The following MAPK6 variants were observed in gnomAD, a reference collection of about 807,000 sequenced individuals.
MAPK6 encodes ERK-3.
MAPK6 carries 19 observed loss-of-function variants against 59.3 expected under a neutral mutation model. The observed-to-expected ratio is 0.32, with a 90% CI of 0.22 to 0.47. The LOEUF is 0.47. Ranked by LOEUF, MAPK6 falls within the 20% of genes least tolerant of loss-of-function variation. The pLI, the probability that MAPK6 is intolerant of heterozygous loss-of-function variation, is 1.00. For missense variants in MAPK6, 724 were observed against 847.9 expected (o/e 0.85, Z 1.81); for synonymous variants, 316 against 290.3 (o/e 1.09, Z -0.90).
At chr15:52,031,993 C>A (rs567469382) in intron 1 of MAPK6, among the ~76,000 whole-genome samples, 4 of 151,734 alleles carry the variant, frequency 2.6e-5, no homozygotes, top group Admixed American at 1.3e-4. Context: ...CCCTGCCTCC[C>A]GGGTTCATGC....
intron 3 of MAPK6, among the ~76,000 whole-genome samples, chr15:52,013,008 AAAAAAAAAAAAAATATATATATATAT>A (rs1342271784): frequency 1.3e-3 from 28 of 21,240 alleles, no homozygotes; most frequent in African/African-American, 3.3e-3. Context: ...AAAAAAAAAA[AAAAAAAAAAAAAATATATATATATAT>A]ATATATATAT....
intron 2 of MAPK6, among the ~76,000 whole-genome samples, chr15:51,992,906 C>T (rs925284342): frequency 2.6e-5 from 4 of 152,058 alleles, no homozygotes; most frequent in South Asian, 2.1e-4. Flanking sequence ...GGAACCTCCA[C>T]GTGTTCACTT....
At chr15:52,001,295 T>C (rs2057241225) in intron 2 of MAPK6, among the ~76,000 whole-genome samples, 1 of 152,140 alleles carries the variant, frequency 6.6e-6, no homozygotes, top group South Asian at 2.1e-4. Flanking sequence ...AAAAAGTTTC[T>C]GTTCTTTATA....
chr15:52,017,306 G>A (rs2030299731), upstream of MAPK6: 1 of 152,196 alleles, frequency 6.6e-6, no homozygotes, highest in Non-Finnish European at 1.5e-5. Flanking sequence ...CAATGGTTTG[G>A]GGGCAGGGGG....
intron 2 of MAPK6, among the ~76,000 whole-genome samples, chr15:52,048,276 AG>A (rs1456295312): frequency 6.6e-6 from 1 of 152,090 alleles, no homozygotes; most frequent in Admixed American, 6.6e-5. Context: ...CAGCCTCCCA[AG>A]TAGCTGGGAT....
At chr15:51,984,447 A>ATTT (rs71130112) in intron 2 of MAPK6, among the ~76,000 whole-genome samples, 880 of 69,924 alleles carry the variant, frequency 0.013, 56 homozygotes, top group African/African-American at 0.034. Flanking sequence ...ACGCCGGCTA[A>ATTT]TTTTTTTTTT....
upstream of MAPK6, among the ~76,000 whole-genome samples, chr15:52,016,070 G>GCGCGCACACACA: frequency 9.3e-3 from 514 of 55,386 alleles, 10 homozygotes; most frequent in Admixed American, 0.011. Context: ...GCGCGCGCGC[G>GCGCGCACACACA]CACACACACA....
chr15:52,007,221 C>T (rs1358435357), intron 3 of MAPK6, among the ~76,000 whole-genome samples: 1 of 152,106 alleles, frequency 6.6e-6, no homozygotes, highest in East Asian at 1.9e-4. Context: ...ACACTTACCC[C>T]CAAGGGCAGA....
intron 1 of MAPK6, among the ~76,000 whole-genome samples, chr15:51,976,063 A>C (rs913479657): frequency 1.3e-5 from 2 of 151,676 alleles, no homozygotes; most frequent in African/African-American, 2.4e-5. Flanking sequence ...TCAGGAAAGC[A>C]AGACCATCCT....
chr15:51,976,720 G>A (rs956442792), intron 1 of MAPK6, among the ~76,000 whole-genome samples: 2 of 151,566 alleles, frequency 1.3e-5, no homozygotes, highest in African/African-American at 2.4e-5. Context: ...CGAGGCAGGC[G>A]GATCATGAAG....
chr15:52,004,799 A>G (rs942578412), intron 3 of MAPK6, among the ~76,000 whole-genome samples: 2 of 152,154 alleles, frequency 1.3e-5, no homozygotes, highest in African/African-American at 2.4e-5. Flanking sequence ...AACACCTCCA[A>G]TTAGGCCCCA....
exon 2 of MAPK6, among the ~76,000 whole-genome samples, chr15:51,983,235 C>T (rs145928935): frequency 6.6e-6 from 1 of 152,048 alleles, no homozygotes; most frequent in Non-Finnish European, 1.5e-5. Flanking sequence ...GCCTGTAATC[C>T]CAGCACTTTG....
intron 2 of MAPK6, among the ~76,000 whole-genome samples, chr15:52,000,237 C>T (rs896614525): frequency 6.6e-6 from 1 of 152,182 alleles, no homozygotes; most frequent in African/African-American, 2.4e-5. Context: ...CTGTACCTGG[C>T]CTCGTTTTCA....
chr15:52,029,338 T>C (rs1484138108), intron 1 of MAPK6, among the ~76,000 whole-genome samples: 1 of 152,162 alleles, frequency 6.6e-6, no homozygotes, highest in African/African-American at 2.4e-5. Context: ...TTAAACAGGC[T>C]TCTCTCCTTT....
At chr15:51,976,038 G>A (rs927433852) in intron 1 of MAPK6, among the ~76,000 whole-genome samples, 14 of 151,396 alleles carry the variant, frequency 9.2e-5, no homozygotes, top group Admixed American at 1.3e-4. Flanking sequence ...AGGCCGAGGC[G>A]GGCGGATCAC....
chr15:52,033,333 G>A (rs1206999984), intron 1 of MAPK6, among the ~76,000 whole-genome samples: 1 of 152,154 alleles, frequency 6.6e-6, no homozygotes, highest in Non-Finnish European at 1.5e-5. Context: ...CCTCATCAGT[G>A]TGGGTGGGCA....
intron 1 of MAPK6, among the ~76,000 whole-genome samples, chr15:52,028,543 G>A (rs1337457406): frequency 6.6e-6 from 1 of 152,128 alleles, no homozygotes; most frequent in African/African-American, 2.4e-5. Flanking sequence ...GAAATGTGTG[G>A]CTGTTAAAAG....
At chr15:52,006,743 C>A (rs2057260086) in intron 3 of MAPK6, among the ~76,000 whole-genome samples, 2 of 152,096 alleles carry the variant, frequency 1.3e-5, no homozygotes, top group African/African-American at 2.4e-5. Flanking sequence ...GAACTGGACC[C>A]TTCATATCTA....
upstream of MAPK6, among the ~76,000 whole-genome samples, chr15:52,016,218 C>T (rs2030265319): frequency 6.6e-6 from 1 of 151,236 alleles, no homozygotes; most frequent in Non-Finnish European, 1.5e-5. Flanking sequence ...GGTGAAACCC[C>T]GTCTCTACTA....
Sources: allele counts gnomAD v4.1 joint callset (sites outside exome capture counted in the v4.1 genomes callset), GRCh38; gene constraint gnomAD v4.1.1; transcripts MANE v1.5; gene names NCBI Gene and HGNC (gene_info 2026-07-23, HGNC 2026-07-21).